The following SGK3 variants were observed in gnomAD, a reference collection of about 807,000 sequenced individuals.
SGK3 encodes serum/glucocorticoid regulated kinase family member 3, also known as serine/threonine-protein kinase Sgk3.
SGK3 carries 47 observed loss-of-function variants against 68.5 expected under a neutral mutation model. The ratio of observed to expected loss-of-function variants is 0.69; its 90% CI spans 0.54 to 0.87. The LOEUF (loss-of-function observed/expected upper bound fraction) is 0.87. Among genes scored for constraint, SGK3 ranks in the 40% least tolerant of loss-of-function variants. The pLI, the probability that SGK3 is intolerant of heterozygous loss-of-function variation, is 0.00. For synonymous variants in SGK3, 181 were observed against 189.1 expected, an observed-to-expected ratio of 0.96 and a Z score of 0.35; for missense variants, 479 against 575.5, an observed-to-expected ratio of 0.83 and a Z score of 1.72.
chr8:66,846,930 A>G (rs1487371199), intron 14 of SGK3, among the ~76,000 whole-genome samples: 1 of 152,160 alleles, frequency 6.6e-6, no homozygotes, highest in Non-Finnish European at 1.5e-5. Context: ...TACTACTACA[A>G]GTTGTATATA....
At chr8:66,773,049 C>T (rs1806567935) in intron 1 of SGK3, among the ~76,000 whole-genome samples, 1 of 152,192 alleles carries the variant, frequency 6.6e-6, no homozygotes. Context: ...CTACTGTAGT[C>T]AAGACCGGTA....
rs1363414465 is a variant in SGK3 at position 66,839,555 on chromosome 8, ATATT to A, written c.742-446_742-443del. ...TATATATATATATATATATATATAT[ATATT>A]TTCATATGGGTTATATTTGTTCTGC... is the stretch of plus-strand genomic sequence containing the variant. On this transcript the variant is annotated intron_variant, in intron 10 of 16. Coordinates refer to ENST00000521198, the MANE Select transcript of SGK3 (RefSeq NM_001033578.3). Among the ~76,000 whole-genome samples, 54 of 72,204 alleles carry A rather than the reference ATATT, an allele frequency of 7.5e-4. 3 individuals are homozygous for A. Among genetic ancestry groups the A allele is most frequent in the African/African-American group, 2.5e-3 (33 of 13,448 alleles). The allele number at this position is 72,204 out of a possible 152,430, so 47.4% of individuals were successfully genotyped here.
chr8:66,774,920 G>A lies in SGK3; in HGVS notation c.-121-18696G>A, dbSNP rs191732033. On this transcript the variant is annotated intron_variant, in intron 1 of 16. Coordinates refer to ENST00000521198, the MANE Select transcript of SGK3 (RefSeq NM_001033578.3). ...GAGATCTACACTTTAGCGGGAACCT[G>A]GGGAGAGTGCCTTCTCATTCCTTGC... Among the ~76,000 whole-genome samples, 332 of 152,274 alleles carry A rather than the reference G, an allele frequency of 2.2e-3. 1 individual carries two copies. The highest frequency in any genetic ancestry group is 7.7e-3 in the African/African-American group (321 of 41,554).
chr8:66,775,989 A>G (rs1806693332), intron 1 of SGK3, among the ~76,000 whole-genome samples: 2 of 152,220 alleles, frequency 1.3e-5, no homozygotes, highest in South Asian at 2.1e-4. Flanking sequence ...AGATTAAATG[A>G]GTTAATACCT....
chr8:66,770,102 C>T (rs1433531233), intron 1 of SGK3, among the ~76,000 whole-genome samples: 1 of 151,898 alleles, frequency 6.6e-6, no homozygotes, highest in Non-Finnish European at 1.5e-5. Context: ...TACAGGCGTG[C>T]GCCACCACAC....
intron 5 of SGK3, among the ~76,000 whole-genome samples, chr8:66,819,978 C>T (rs191630422): frequency 7.9e-5 from 12 of 151,948 alleles, no homozygotes; most frequent in Middle Eastern, 3.4e-3. Context: ...CCACCACATC[C>T]GGCTAACTTT....
chr8:66,721,739 T>C (rs1282153895), intron 1 of SGK3, among the ~76,000 whole-genome samples: 2 of 152,184 alleles, frequency 1.3e-5, no homozygotes, highest in African/African-American at 2.4e-5. Flanking sequence ...GCTATTTTTT[T>C]TTCCCAGTTA....
chr8:66,839,496 G>GAGAT (rs1809679260), intron 10 of SGK3, among the ~76,000 whole-genome samples: 1 of 43,228 alleles, frequency 2.3e-5, no homozygotes, highest in Non-Finnish European at 4.4e-5. Flanking sequence ...TATATGTATG[G>GAGAT]AGATATATAT....
chr8:66,834,435 G>C (rs1809424782), intron 8 of SGK3, among the ~76,000 whole-genome samples: 1 of 152,086 alleles, frequency 6.6e-6, no homozygotes, highest in Non-Finnish European at 1.5e-5. Flanking sequence ...CTGGGATTTA[G>C]CAAAAGAGAG....
At chr8:66,791,691 C>T (rs781137000) in intron 1 of SGK3, among the ~76,000 whole-genome samples, 1 of 152,208 alleles carries the variant, frequency 6.6e-6, no homozygotes, top group Non-Finnish European at 1.5e-5. Flanking sequence ...CTGAGCCCCA[C>T]GTTCTCAAGG....
In SGK3 at chr8:66,835,781, A is replaced by G. The variant is rs372306972; in HGVS notation, c.544A>G (p.Lys182Glu). 2 of 1,612,002 alleles carry G rather than the reference A, an allele frequency of 1.2e-6. No homozygotes were observed. The highest frequency in any genetic ancestry group is 1.3e-5 in the African/African-American group (1 of 74,828). ...ATAACAGGTTCTTCTTGCAAAACGG[A>G]AACTGGATGGAAAATTTTATGCTGT... ...SFGKVLLAKR[K>E]LDGKFYAVKV... Residue 182 changes from lysine (K) to glutamate (E), a missense_variant, in exon 9 of 17, where the codon AAA (lysine) becomes GAA (glutamate). Lys to Glu is a moderately conservative substitution (Grantham distance 56). Coordinates refer to ENST00000521198, the MANE Select transcript of SGK3 (RefSeq NM_001033578.3).
chr8:66,861,865 G>A lies in SGK3; in HGVS notation c.*2284G>A, dbSNP rs1456423831. ...AGCAAAATAAAAATTCTAGTTTCTT[G>A]TATGATTTTTTGTACTCATTCATTC... On this transcript the variant is annotated 3_prime_UTR_variant, in exon 17 of 17. Coordinates refer to ENST00000521198, the MANE Select transcript of SGK3 (RefSeq NM_001033578.3). 6.6e-6 allele frequency: 1 copy of A among 152,016 alleles called. No individual in the cohort carries two copies. Among genetic ancestry groups the A allele is most frequent in the Non-Finnish European group, 1.5e-5 (1 of 68,000 alleles). The allele number at this position is 152,016 out of a possible 1,614,324, so 9.4% of individuals were successfully genotyped here.
intron 1 of SGK3, among the ~76,000 whole-genome samples, chr8:66,765,481 A>G (rs973713355): frequency 1.3e-5 from 2 of 152,148 alleles, no homozygotes; most frequent in African/African-American, 4.8e-5. Flanking sequence ...TGTGATTTGC[A>G]AATATTTTCT....
chr8:66,718,414 A>G (rs1804702708), intron 1 of SGK3, among the ~76,000 whole-genome samples: 1 of 150,370 alleles, frequency 6.7e-6, no homozygotes, highest in African/African-American at 2.5e-5. Context: ...AGATAAATAT[A>G]TATATGTGTA....
At chr8:66,783,775 C>T (rs545159258) in intron 1 of SGK3, among the ~76,000 whole-genome samples, 175 of 152,314 alleles carry the variant, frequency 1.1e-3, no homozygotes, top group Middle Eastern at 6.8e-3. Flanking sequence ...GTCCTCCCAT[C>T]TCAGACACCC....
At chr8:66,745,310 A>G (rs972278140) in intron 1 of SGK3, among the ~76,000 whole-genome samples, 3 of 152,122 alleles carry the variant, frequency 2.0e-5, no homozygotes, top group South Asian at 2.1e-4. Context: ...AGTGGCTCAC[A>G]CCTGTAATCC....
chr8:66,785,640 G>A (rs981798553), intron 1 of SGK3, among the ~76,000 whole-genome samples: 3 of 152,106 alleles, frequency 2.0e-5, no homozygotes, highest in Non-Finnish European at 2.9e-5. Flanking sequence ...ATTGGCCCCC[G>A]ATGAGAACCA....
At chr8:66,746,871 T>C (rs900581220) in intron 1 of SGK3, among the ~76,000 whole-genome samples, 6 of 152,062 alleles carry the variant, frequency 3.9e-5, no homozygotes, top group Admixed American at 2.0e-4. Context: ...AAAAAATATA[T>C]ATTTTTTAAA....
rs1417231851 is a variant in SGK3, at chr8:66,861,661, C to G, written c.*2080C>G. The G allele has an allele frequency of 2.0e-5, 3 of 152,078 alleles. No individual in the cohort carries two copies. Among genetic ancestry groups the G allele is most frequent in the Non-Finnish European group, 2.9e-5 (2 of 68,004 alleles). The allele number at this position is 152,078 out of a possible 1,614,324, so 9.4% of individuals were successfully genotyped here. On this transcript the variant is annotated 3_prime_UTR_variant, in exon 17 of 17. Transcript: ENST00000521198. ...CACAGAAGCATTTCTCACCAATACT[C>G]TTTGGCTTAAAATGTTCAGCAGAAT...
Sources: allele counts gnomAD v4.1 joint callset (sites outside exome capture counted in the v4.1 genomes callset), GRCh38; gene constraint gnomAD v4.1.1; transcripts MANE v1.5; gene names NCBI Gene and HGNC (gene_info 2026-07-23, HGNC 2026-07-21).